MED13L: variants seen among roughly 807,000 people sequenced by gnomAD.
MED13L encodes mediator complex subunit 13L.
A neutral mutation model predicts 220.9 loss-of-function variants in MED13L; 7 were observed. The observed-to-expected ratio is 0.03, with a 90% CI of 0.02 to 0.06. The LOEUF (loss-of-function observed/expected upper bound fraction) is 0.06. Ranked by LOEUF, MED13L falls within the 10% of genes least tolerant of loss-of-function variation. The pLI, the probability that MED13L is intolerant of heterozygous loss-of-function variation, is 1.00. For synonymous variants in MED13L, 1,011 were observed against 1,015.2 expected (o/e 1.00, Z 0.08); for missense variants, 1,965 against 2,760.5 (o/e 0.71, Z 6.46).
intron 2 of MED13L, among the ~76,000 whole-genome samples, chr12:116,224,637 G>GT (rs1260091822): frequency 6.6e-6 from 1 of 152,102 alleles, no homozygotes; most frequent in African/African-American, 2.4e-5. Flanking sequence ...TGTAACAATG[G>GT]TAACACCTTA....
At chr12:116,221,513 C>T (rs1354852099) in intron 2 of MED13L, among the ~76,000 whole-genome samples, 2 of 152,114 alleles carry the variant, frequency 1.3e-5, no homozygotes, top group Admixed American at 6.5e-5. Context: ...TGCCTAGTAC[C>T]TATGAACTAA....
rs191092233 is a variant in MED13L at position 116,273,122 on chromosome 12, T to C, written c.72+3938A>G. Reference sequence around the variant, plus strand: ...GAGTTTGAGACCAGCCTGACCAATATGGAGAAACCCCGTCTCTACTAAAAA... The same window carrying C: ...GAGTTTGAGACCAGCCTGACCAATACGGAGAAACCCCGTCTCTACTAAAAA... On this transcript the variant is annotated intron_variant, in intron 1 of 30. Coordinates refer to ENST00000281928, the MANE Select transcript of MED13L (RefSeq NM_015335.5). Among the ~76,000 whole-genome samples, 203 of 152,068 alleles carry C rather than the reference T, an allele frequency of 1.3e-3. 1 individual carries two copies. Among genetic ancestry groups the C allele is most frequent in the African/African-American group, 4.7e-3 (193 of 41,472 alleles).
chr12:116,180,011 T>A (rs1369880474), intron 2 of MED13L, among the ~76,000 whole-genome samples: 1 of 152,156 alleles, frequency 6.6e-6, no homozygotes, highest in East Asian at 1.9e-4. Flanking sequence ...TTTATTTGAG[T>A]ATCTATACAA....
chr12:116,114,835 T>G (rs989721932), intron 2 of MED13L, among the ~76,000 whole-genome samples: 3 of 152,186 alleles, frequency 2.0e-5, no homozygotes, highest in Non-Finnish European at 4.4e-5. Flanking sequence ...AACTGAAATT[T>G]TTTAAAGTAC....
At chr12:116,248,559 T>C (rs2138507941) in intron 1 of MED13L, among the ~76,000 whole-genome samples, 1 of 152,350 alleles carries the variant, frequency 6.6e-6, no homozygotes, top group Non-Finnish European at 1.5e-5. Flanking sequence ...ATAATTCTAA[T>C]ATCATTTCTA....
At chr12:116,258,166 G>C (rs994016898) in intron 1 of MED13L, among the ~76,000 whole-genome samples, 6 of 152,174 alleles carry the variant, frequency 3.9e-5, no homozygotes, top group Non-Finnish European at 8.8e-5. Context: ...TTAGATAGAA[G>C]AAAGAAAAAC....
intron 19 of MED13L, among the ~76,000 whole-genome samples, chr12:115,984,896 G>T (rs1293995287): frequency 2.6e-5 from 4 of 151,836 alleles, no homozygotes; most frequent in African/African-American, 9.7e-5. Context: ...AATAGGACAA[G>T]GAGATTCTGC....
chr12:116,194,161 C>A (rs2138278255), intron 2 of MED13L, among the ~76,000 whole-genome samples: 1 of 152,150 alleles, frequency 6.6e-6, no homozygotes, highest in East Asian at 1.9e-4. Context: ...TATACCCACA[C>A]CCCTACTTCT....
intron 4 of MED13L, among the ~76,000 whole-genome samples, chr12:116,075,373 T>C (rs985780675): frequency 1.3e-5 from 2 of 152,220 alleles, no homozygotes; most frequent in African/African-American, 4.8e-5. Flanking sequence ...ATAAAGACTG[T>C]ACAAGCAGTT....
At chr12:116,080,043 T>C (rs1871121050) in intron 4 of MED13L, among the ~76,000 whole-genome samples, 1 of 151,864 alleles carries the variant, frequency 6.6e-6, no homozygotes, top group Admixed American at 6.6e-5. Flanking sequence ...TTTTAGCTCA[T>C]TAGCTACCAT....
chr12:116,015,095 T>C lies in MED13L; in HGVS notation c.1175+14A>G. The C allele has an allele frequency of 6.2e-7, 1 of 1,608,486 alleles. No homozygotes were observed. Among genetic ancestry groups the C allele is most frequent in the Admixed American group, 1.7e-5 (1 of 59,982 alleles). ...TTACTAAACTATGATCTAGACATAATCGAGAAAACTTACTTGGACTGGGTT... is the reference window on the plus strand; with the variant it reads ...TTACTAAACTATGATCTAGACATAACCGAGAAAACTTACTTGGACTGGGTT... On this transcript the variant is annotated intron_variant, in intron 8 of 30. Coordinates refer to ENST00000281928, the MANE Select transcript of MED13L (RefSeq NM_015335.5).
intron 2 of MED13L, among the ~76,000 whole-genome samples, chr12:116,135,557 T>C (rs951305528): frequency 9.2e-5 from 14 of 152,316 alleles, no homozygotes; most frequent in Middle Eastern, 6.8e-3. Flanking sequence ...GTGAACATAA[T>C]GAAATGGTTG....
At chr12:115,970,846 A>T (rs1876533032) in intron 26 of MED13L, 76 bp from the exon 27 acceptor site, 1 of 1,353,020 alleles carries the variant, frequency 7.4e-7, no homozygotes, top group Admixed American at 1.9e-5. Context: ...CCTGATCTGG[A>T]GTGGTATGAG....
intron 2 of MED13L, among the ~76,000 whole-genome samples, chr12:116,175,536 T>A (rs1445346525): frequency 6.6e-6 from 1 of 152,208 alleles, no homozygotes; most frequent in Non-Finnish European, 1.5e-5. Context: ...AAAATGGAGT[T>A]CAGTTTCTGA....
chr12:116,108,946 T>C (rs1873836416), intron 3 of MED13L, among the ~76,000 whole-genome samples: 1 of 151,648 alleles, frequency 6.6e-6, no homozygotes, highest in African/African-American at 2.4e-5. Flanking sequence ...AAATGTTAAC[T>C]AAGGCTTAGT....
At chr12:116,110,382 T>TAAAA (rs1232041288) in intron 3 of MED13L, 3 of 150,254 alleles carry the variant, frequency 2.0e-5, no homozygotes, top group African/African-American at 7.3e-5. Context: ...AATAAATAAA[T>TAAAA]AAATAAGGAA....
chr12:116,111,484 G>A lies in MED13L; in HGVS notation c.339C>T (p.Gly113=). 1 of 1,608,774 alleles carries A rather than the reference G, an allele frequency of 6.2e-7. No homozygotes were observed. The change falls in exon 3 of 31, where the codon GGC becomes GGT. Residue 113 remains glycine (G), a synonymous_variant. Transcript: ENST00000281928. ...QVVEEGLWEN[G]LSYECRTLLF... ...GCAGCGTCCTACATTCATAGGAAAG[G>A]CCATTTTCCCAGAGTCCTTCTTCCA...
chr12:115,998,977 CAAA>C (rs1878578407), intron 14 of MED13L, among the ~76,000 whole-genome samples: 2 of 151,880 alleles, frequency 1.3e-5, no homozygotes, highest in African/African-American at 4.8e-5. Flanking sequence ...TGAGCCAAGC[CAAA>C]CAAGAAACTG....
At chr12:116,162,581 A>G (rs896661976) in intron 2 of MED13L, among the ~76,000 whole-genome samples, 1 of 152,220 alleles carries the variant, frequency 6.6e-6, no homozygotes, top group Non-Finnish European at 1.5e-5. Flanking sequence ...TAAATTTTTT[A>G]ATGTTATCAC....
Sources: allele counts gnomAD v4.1 joint callset (sites outside exome capture counted in the v4.1 genomes callset), GRCh38; gene constraint gnomAD v4.1.1; transcripts MANE v1.5; gene names NCBI Gene and HGNC (gene_info 2026-07-23, HGNC 2026-07-21).